Variants in NELL1 observed in about 807,000 individuals in gnomAD.
NELL1 encodes neural EGFL like 1, also known as protein kinase C-binding protein NELL1.
NELL1 carries 76 observed loss-of-function variants against 107.4 expected under a neutral mutation model. The observed-to-expected ratio is 0.71, with a 90% CI of 0.59 to 0.86. NELL1 has a LOEUF of 0.86. Ranked by LOEUF, NELL1 falls within the 40% of genes least tolerant of loss-of-function variation. The probability of loss-of-function intolerance (pLI) is 0.00; values close to 1 mark genes in which losing one functional copy is unlikely to be tolerated. For synonymous variants in NELL1, 353 were observed against 341.2 expected, an observed-to-expected ratio of 1.03 and a Z score of -0.38; for missense variants, 1,024 against 1,005.5, an observed-to-expected ratio of 1.02 and a Z score of -0.25.
At chr11:20,976,825 TTTATA>T (rs1267560981) in intron 12 of NELL1, among the ~76,000 whole-genome samples, 10 of 152,174 alleles carry the variant, frequency 6.6e-5, no homozygotes, top group Non-Finnish European at 1.3e-4. Flanking sequence ...TCTCTGTATA[TTTATA>T]TTATAAGTGG....
At chr11:20,784,023 A>T (rs1197534095) in intron 3 of NELL1, among the ~76,000 whole-genome samples, 193 bp downstream of exon 3, 1 of 152,230 alleles carries the variant, frequency 6.6e-6, no homozygotes, top group Non-Finnish European at 1.5e-5. Context: ...TTTGCTCTCC[A>T]AGGACCAATC....
At chr11:21,504,382 T>C (rs760693108) in intron 15 of NELL1, among the ~76,000 whole-genome samples, 2 of 152,212 alleles carry the variant, frequency 1.3e-5, no homozygotes, top group Non-Finnish European at 2.9e-5. Flanking sequence ...TGGATGTACA[T>C]GTGGAAGCTC....
At chr11:21,494,946 G>C (rs1464031630) in intron 15 of NELL1, among the ~76,000 whole-genome samples, 1 of 151,854 alleles carries the variant, frequency 6.6e-6, no homozygotes, top group Non-Finnish European at 1.5e-5. Flanking sequence ...CATCCTACTA[G>C]GTTACAGTAT....
intron 13 of NELL1, among the ~76,000 whole-genome samples, chr11:21,177,401 G>C (rs1257316884): frequency 6.6e-6 from 1 of 151,682 alleles, no homozygotes. Context: ...TTAGCATAAT[G>C]TCATCTAGCT....
At chr11:21,216,385 A>G (rs192282445) in intron 13 of NELL1, among the ~76,000 whole-genome samples, 2 of 152,316 alleles carry the variant, frequency 1.3e-5, no homozygotes, top group Non-Finnish European at 2.9e-5. Context: ...TAGTGGAGCT[A>G]TGAGAAGTGG....
Position 21,289,758 on chromosome 11 carries a change from G to C in NELL1, c.1549+60304G>C, listed in dbSNP as rs377503784. On this transcript the variant is annotated intron_variant, in intron 14 of 19. Transcript: ENST00000357134. The stretch of plus-strand genomic sequence containing the variant: ...GGAGCCCAAGAAGCTAAGATCCACT[G>C]CCAGCACAGCAGTCTGAAGTCAACC... Among the ~76,000 whole-genome samples, 6 of 152,310 alleles carry C rather than the reference G, an allele frequency of 3.9e-5. No individual in the cohort carries two copies. In the South Asian group the frequency reaches 6.2e-4, roughly 16 times the overall value.
intron 12 of NELL1, among the ~76,000 whole-genome samples, chr11:21,025,225 C>T (rs913605026): frequency 2.0e-5 from 3 of 152,032 alleles, no homozygotes; most frequent in African/African-American, 7.2e-5. Flanking sequence ...ATTATAAAAA[C>T]CATAGCATTC....
intron 10 of NELL1, among the ~76,000 whole-genome samples, chr11:20,938,940 C>CTCTCTCTCTG (rs1216133538): frequency 7.5e-4 from 43 of 57,390 alleles, no homozygotes; most frequent in East Asian, 4.6e-3. Flanking sequence ...CTCTCTCTCT[C>CTCTCTCTCTG]TGTGTGTGTG....
At position 21,113,575 on chromosome 11, in the gene NELL1, T is replaced by A. The variant is rs749514926; in HGVS notation, c.1301-14T>A. The A allele has an allele frequency of 6.2e-7, 1 of 1,607,174 alleles. No individual in the cohort carries two copies. Among genetic ancestry groups the A allele is most frequent in the Admixed American group, 1.7e-5 (1 of 59,194 alleles). ...TTTTGCTAACCATGATCTTACTTAT[T>A]TTTTTTCCTTCAGATATTGATGAGT... On this transcript the variant is annotated splice_polypyrimidine_tract_variant and intron_variant, in intron 12 of 19. Transcript: ENST00000357134.
intron 17 of NELL1, among the ~76,000 whole-genome samples, chr11:21,565,766 C>G (rs1340785491): frequency 6.6e-6 from 1 of 151,900 alleles, no homozygotes; most frequent in African/African-American, 2.4e-5. Flanking sequence ...ATTTGCCTCT[C>G]TGGGCTTGGT....
At chr11:21,541,438 A>G (rs1856290176) in intron 16 of NELL1, among the ~76,000 whole-genome samples, 1 of 152,152 alleles carries the variant, frequency 6.6e-6, no homozygotes, top group Non-Finnish European at 1.5e-5. Context: ...TTTCCATTTT[A>G]TCTGGTGGAT....
intron 12 of NELL1, among the ~76,000 whole-genome samples, chr11:21,090,115 A>G (rs976177925): frequency 1.3e-5 from 2 of 152,186 alleles, no homozygotes; most frequent in Non-Finnish European, 2.9e-5. Context: ...GTAGTTTGAG[A>G]TGTACAATAA....
At chr11:20,767,106 G>GA (rs1278845339) in intron 2 of NELL1, among the ~76,000 whole-genome samples, 4 of 152,000 alleles carry the variant, frequency 2.6e-5, no homozygotes, top group Non-Finnish European at 5.9e-5. Context: ...CCACTGTCCT[G>GA]GTGTGTCTGT....
At chr11:21,459,298 G>T (rs569442176) in intron 15 of NELL1, among the ~76,000 whole-genome samples, 1 of 141,506 alleles carries the variant, frequency 7.1e-6, no homozygotes, top group African/African-American at 2.6e-5. Flanking sequence ...ACCTGCCATG[G>T]TTCAGGAGAA....
At chr11:21,411,735 TATGATTCAGGTGAGATAA>T (rs1852381586) in intron 15 of NELL1, among the ~76,000 whole-genome samples, 1 of 152,056 alleles carries the variant, frequency 6.6e-6, no homozygotes, top group African/African-American at 2.4e-5. Context: ...TTCAATGAGG[TATGATTCAGGTGAGATAA>T]ATGATTCAGG....
chr11:20,834,367 G>A (rs939538163), intron 3 of NELL1, among the ~76,000 whole-genome samples: 1 of 152,162 alleles, frequency 6.6e-6, no homozygotes, highest in Non-Finnish European at 1.5e-5. Context: ...AGAATTAGGA[G>A]TTATGTGTTG....
intron 5 of NELL1, among the ~76,000 whole-genome samples, chr11:20,916,588 C>A (rs1001023993): frequency 1.8e-4 from 28 of 151,752 alleles, no homozygotes; most frequent in African/African-American, 6.5e-4. Context: ...GGATCCTATC[C>A]TTTTCTGTAC....
chr11:21,530,864 C>T (rs546140035), intron 15 of NELL1, among the ~76,000 whole-genome samples: 32 of 152,142 alleles, frequency 2.1e-4, no homozygotes, highest in African/African-American at 7.5e-4. Context: ...GTTAATTTTT[C>T]CTTTCATTCA....
chr11:20,859,027 CCT>C (rs1198421844), intron 4 of NELL1, among the ~76,000 whole-genome samples: 1 of 152,184 alleles, frequency 6.6e-6, no homozygotes, highest in Non-Finnish European at 1.5e-5. Context: ...GTGATTTACC[CCT>C]GTTAGTACCT....
Sources: allele counts gnomAD v4.1 joint callset (sites outside exome capture counted in the v4.1 genomes callset), GRCh38; gene constraint gnomAD v4.1.1; transcripts MANE v1.5; gene names NCBI Gene and HGNC (gene_info 2026-07-23, HGNC 2026-07-21).